Variants in STIMATE observed in about 807,000 individuals in gnomAD.
STIMATE encodes the protein STIM activating enhancer.
Under a neutral mutation model 36.7 loss-of-function variants are expected in STIMATE, and 15 were observed. The observed-to-expected ratio is 0.41, with a 90% CI of 0.27 to 0.63. The LOEUF (loss-of-function observed/expected upper bound fraction) is 0.63. STIMATE is among the 20% of genes least tolerant of loss of function. The pLI is 0.32. For synonymous variants in STIMATE, 163 were observed against 162.3 expected (o/e 1.00, Z -0.03); for missense variants, 305 against 397.3 (o/e 0.77, Z 1.98).
chr3:52,881,063 T>G (rs1017322322), intron 1 of STIMATE, among the ~76,000 whole-genome samples: 1 of 152,100 alleles, frequency 6.6e-6, no homozygotes, highest in Admixed American at 6.5e-5. Context: ...TGGGCATGCC[T>G]GTAATCCCAG....
intron 1 of STIMATE, among the ~76,000 whole-genome samples, chr3:52,888,319 G>A (rs557418340): frequency 4.6e-4 from 70 of 152,238 alleles, no homozygotes; most frequent in Admixed American, 4.4e-3. Flanking sequence ...GCTTAAATGC[G>A]CTCTGAGCAA....
Position 52,891,465 on chromosome 3 carries a change from C to T in STIMATE, c.160+5826G>A, listed in dbSNP as rs184168248. Among the ~76,000 whole-genome samples, 77 of 152,316 alleles carry T rather than the reference C, an allele frequency of 5.1e-4. 1 individual carries two copies. Among genetic ancestry groups the T allele is most frequent in the South Asian group, 1.0e-3 (5 of 4,830 alleles). On this transcript the variant is annotated intron_variant, in intron 1 of 7. Transcript: ENST00000355083. Reference sequence around the variant, plus strand: ...TGGGCCCTGGGCAAAGAAAAGCCAGCGACTTGAAGCAGGTTCATCACCTGG... The same window carrying T: ...TGGGCCCTGGGCAAAGAAAAGCCAGTGACTTGAAGCAGGTTCATCACCTGG...
At chr3:52,865,137 G>T (rs1701283139) in intron 1 of STIMATE, among the ~76,000 whole-genome samples, 1 of 152,104 alleles carries the variant, frequency 6.6e-6, no homozygotes, top group Non-Finnish European at 1.5e-5. Flanking sequence ...AGTAGAGATG[G>T]GGTTTCACTA....
At chr3:52,852,502 C>T in intron 3 of STIMATE, 101 bp downstream of exon 3, 1 of 1,463,556 alleles carries the variant, frequency 6.8e-7, no homozygotes, top group African/African-American at 1.4e-5. Flanking sequence ...AGCACCCTCT[C>T]CCCAAGCCAG....
intron 7 of STIMATE, among the ~76,000 whole-genome samples, chr3:52,841,030 G>A (rs1008916441): frequency 4.6e-5 from 7 of 152,182 alleles, no homozygotes; most frequent in Non-Finnish European, 2.9e-5. Context: ...CTTTACAAGA[G>A]AGTGAGGGGA....
intron 4 of STIMATE, 127 bp from the exon 5 acceptor site, chr3:52,845,068 C>G (rs1310079000): frequency 2.4e-6 from 2 of 846,194 alleles, no homozygotes; most frequent in South Asian, 2.4e-5. Flanking sequence ...CTTAATGAGC[C>G]CCCCCAAAAG....
intron 3 of STIMATE, among the ~76,000 whole-genome samples, chr3:52,850,880 C>G (rs985510597): frequency 1.3e-5 from 2 of 152,196 alleles, no homozygotes; most frequent in Admixed American, 1.3e-4. Context: ...AGGCACCCAC[C>G]ACCACACACA....
At chr3:52,872,494 G>A (rs1201000317) in intron 1 of STIMATE, among the ~76,000 whole-genome samples, 1 of 152,224 alleles carries the variant, frequency 6.6e-6, no homozygotes, top group Non-Finnish European at 1.5e-5. Flanking sequence ...TATGGATGAT[G>A]TAAGCTGTAC....
At chr3:52,891,929 C>T (rs1450620499) in intron 1 of STIMATE, among the ~76,000 whole-genome samples, 3 of 152,144 alleles carry the variant, frequency 2.0e-5, no homozygotes, top group Middle Eastern at 3.2e-3. Context: ...TCTCCATAGC[C>T]CCAGAAAAGA....
chr3:52,863,366 A>G (rs1288779720), intron 1 of STIMATE, among the ~76,000 whole-genome samples: 2 of 152,218 alleles, frequency 1.3e-5, no homozygotes, highest in Non-Finnish European at 2.9e-5. Context: ...AACCTCTGAT[A>G]AAATCATCAG....
At chr3:52,886,212 ACCTCC>A (rs1701684885) in intron 1 of STIMATE, among the ~76,000 whole-genome samples, 1 of 152,060 alleles carries the variant, frequency 6.6e-6, no homozygotes, top group Non-Finnish European at 1.5e-5. Flanking sequence ...GGTGTTTAAG[ACCTCC>A]ACATGCAGAG....
intron 1 of STIMATE, among the ~76,000 whole-genome samples, chr3:52,868,133 A>G (rs1254258623): frequency 1.3e-5 from 2 of 152,158 alleles, no homozygotes; most frequent in Non-Finnish European, 2.9e-5. Context: ...GCCCCACTCA[A>G]ACCTCCTCAA....
At position 52,840,347 on chromosome 3, in the gene STIMATE, T is replaced by C; in HGVS notation, c.*147A>G. 1 of 935,612 alleles carries C rather than the reference T, an allele frequency of 1.1e-6. No homozygotes were observed. The allele number at this position is 935,612 out of a possible 1,614,324, so 58.0% of individuals were successfully genotyped here. A position where few individuals can be genotyped will look rare whatever the true frequency, so the allele number is the denominator to read the frequency against. On this transcript the variant is annotated 3_prime_UTR_variant, in exon 8 of 8. Transcript: ENST00000355083. ...TCCCTCTTTTTAAGTCACAGTAGTCTGGGGGCAGGCGAGAGCGGGCAGAGA... is the reference window on the plus strand; with the variant it reads ...TCCCTCTTTTTAAGTCACAGTAGTCCGGGGGCAGGCGAGAGCGGGCAGAGA...
chr3:52,845,812 A>G (rs11130328), intron 4 of STIMATE, among the ~76,000 whole-genome samples: 6,549 of 152,006 alleles, frequency 0.043, 186 homozygotes, highest in Non-Finnish European at 0.064. Context: ...GGCCTCCCCA[A>G]AGTGGGAGAC....
chr3:52,857,825 C>T lies in STIMATE; in HGVS notation c.161-2381G>A, dbSNP rs187092353. ...TGTTATAGGCTGAATTGTGCCCCCA[C>T]CTCCAAAGTCATCTGTTGAAGTCCA... On this transcript the variant is annotated intron_variant, in intron 1 of 7. Coordinates refer to ENST00000355083, the MANE Select transcript of STIMATE (RefSeq NM_198563.5). Among the ~76,000 whole-genome samples, 200 of 151,962 alleles carry T rather than the reference C, an allele frequency of 1.3e-3. 1 individual carries two copies. The highest frequency in any genetic ancestry group is 2.2e-3 in the Non-Finnish European group (150 of 67,980).
chr3:52,841,794 T>C (rs1180499723), intron 7 of STIMATE: 1 of 152,260 alleles, frequency 6.6e-6, no homozygotes, highest in East Asian at 1.9e-4. Flanking sequence ...TGCTCCAGAA[T>C]ACAAGCCACA....
At chr3:52,880,396 T>C (rs939346575) in intron 1 of STIMATE, among the ~76,000 whole-genome samples, 2 of 152,098 alleles carry the variant, frequency 1.3e-5, no homozygotes, top group African/African-American at 2.4e-5. Flanking sequence ...ACAACAAATA[T>C]GTACAATTAT....
chr3:52,875,083 G>C (rs768058123), intron 1 of STIMATE, among the ~76,000 whole-genome samples: 1 of 152,196 alleles, frequency 6.6e-6, no homozygotes, highest in Admixed American at 6.5e-5. Flanking sequence ...CTGCTGCGCT[G>C]TTATCTATGG....
intron 1 of STIMATE, among the ~76,000 whole-genome samples, chr3:52,870,203 C>G (rs893298707): frequency 1.3e-5 from 2 of 152,220 alleles, no homozygotes; most frequent in Non-Finnish European, 2.9e-5. Context: ...GGTGATCCAC[C>G]TGCCTTGGCC....
Sources: allele counts gnomAD v4.1 joint callset (sites outside exome capture counted in the v4.1 genomes callset), GRCh38; gene constraint gnomAD v4.1.1; transcripts MANE v1.5; gene names NCBI Gene and HGNC (gene_info 2026-07-23, HGNC 2026-07-21).